Variants in FIP1L1 observed in about 807,000 individuals in gnomAD.
FIP1L1 encodes factor interacting with PAPOLA and CPSF1.
Under a neutral mutation model 84.6 loss-of-function variants are expected in FIP1L1, and 21 were observed. That is an observed-to-expected ratio of 0.25 (90% confidence interval 0.18 to 0.36). The LOEUF is 0.36. Ranked by LOEUF, FIP1L1 falls within the 10% of genes least tolerant of loss-of-function variation. FIP1L1 has a pLI of 1.00. For missense variants in FIP1L1, 526 were observed against 751.1 expected, an observed-to-expected ratio of 0.70 and a Z score of 3.50; for synonymous variants, 263 against 242.3, an observed-to-expected ratio of 1.09 and a Z score of -0.80.
chr4:53,420,040 C>T (rs190865704), intron 11 of FIP1L1, among the ~76,000 whole-genome samples: 8 of 151,768 alleles, frequency 5.3e-5, no homozygotes, highest in Admixed American at 3.3e-4. Flanking sequence ...ACTAAAAATA[C>T]AATAAAAATT....
chr4:53,412,471 G>A (rs1418153388), intron 10 of FIP1L1, among the ~76,000 whole-genome samples: 1 of 151,934 alleles, frequency 6.6e-6, no homozygotes, highest in African/African-American at 2.4e-5. Flanking sequence ...TCTTAAATCT[G>A]GATCAGCTTC....
Position 53,414,609 on chromosome 4 carries a change from C to T in FIP1L1, c.816-6C>T, listed in dbSNP as rs757434123. 6 of 1,599,836 alleles carry T rather than the reference C, an allele frequency of 3.8e-6. No homozygotes were observed. The highest frequency in any genetic ancestry group is 5.1e-6 in the Non-Finnish European group (6 of 1,169,094). On this transcript the variant is annotated splice_region_variant and splice_polypyrimidine_tract_variant and intron_variant, in intron 10 of 17. Coordinates refer to ENST00000337488, the MANE Select transcript of FIP1L1 (RefSeq NM_030917.4). ...AAGAAAAAACATAGAAAATTTATCTCACCAGAAACAGCACTTCTTCTCAGT... is the reference window on the plus strand; with the variant it reads ...AAGAAAAAACATAGAAAATTTATCTTACCAGAAACAGCACTTCTTCTCAGT...
At chr4:53,418,643 T>G (rs1477310467) in intron 11 of FIP1L1, among the ~76,000 whole-genome samples, 3 of 152,228 alleles carry the variant, frequency 2.0e-5, no homozygotes, top group African/African-American at 4.8e-5. Context: ...TTCCATTTTA[T>G]GTTACCAAGT....
chr4:53,383,308 T>C (rs559864550), intron 4 of FIP1L1, among the ~76,000 whole-genome samples: 2 of 152,234 alleles, frequency 1.3e-5, no homozygotes, highest in East Asian at 3.9e-4. Flanking sequence ...ACATCAAAAT[T>C]ATGAGTTGAA....
At chr4:53,419,260 GA>G (rs1362869677) in intron 11 of FIP1L1, among the ~76,000 whole-genome samples, 1 of 151,982 alleles carries the variant, frequency 6.6e-6, no homozygotes, top group Non-Finnish European at 1.5e-5. Context: ...GTTTTAAATA[GA>G]GCTTAAAAAT....
intron 10 of FIP1L1, among the ~76,000 whole-genome samples, chr4:53,401,261 G>T (rs1476229733): frequency 6.6e-6 from 1 of 151,992 alleles, no homozygotes; most frequent in Admixed American, 6.6e-5. Context: ...TTTTTTTATT[G>T]TTGATTGGCC....
intron 1 of FIP1L1, 124 bp downstream of exon 1, chr4:53,378,047 C>G: frequency 1.1e-6 from 1 of 900,946 alleles, no homozygotes; most frequent in Non-Finnish European, 1.6e-6. Context: ...TCCTGTCCGG[C>G]CTGACTTAGG....
At chr4:53,417,539 G>A (rs1760041956) in intron 11 of FIP1L1, among the ~76,000 whole-genome samples, 1 of 150,902 alleles carries the variant, frequency 6.6e-6, no homozygotes, top group Non-Finnish European at 1.5e-5. Context: ...CTACTCGGGA[G>A]GCTGAGGCAG....
rs1578472565 is a variant in FIP1L1 at position 53,408,557 on chromosome 4, G to A, written c.816-6058G>A. On this transcript the variant is annotated intron_variant, in intron 10 of 17. Transcript: ENST00000337488. The stretch of plus-strand genomic sequence containing the variant: ...ATGTTGGCCTGCCTTGCTAGATTGG[G>A]GAAGTTCTCCTGGATAATATCCTGC... 2.0e-5 allele frequency among the ~76,000 whole-genome samples: 3 copies of A among 152,212 alleles called. No homozygotes were observed. The South Asian group carries it at 6.2e-4, about 32-fold the overall frequency.
Position 53,377,798 on chromosome 4 carries a change from G to C in FIP1L1, c.-41G>C. The C allele has an allele frequency of 6.6e-7, 1 of 1,514,256 alleles. No individual in the cohort carries two copies. The highest frequency in any genetic ancestry group is 1.3e-5 in the South Asian group (1 of 78,712). The allele number at this position is 1,514,256 out of a possible 1,614,324, so 93.8% of individuals were successfully genotyped here. A position where few individuals can be genotyped will look rare whatever the true frequency, so the allele number is the denominator to read the frequency against. On this transcript the variant is annotated 5_prime_UTR_variant, in exon 1 of 18. Coordinates refer to ENST00000337488, the MANE Select transcript of FIP1L1 (RefSeq NM_030917.4). Reference sequence around the variant, plus strand: ...GCGAGGCTGGGGAAGGGGTTGGAGGGGGCTGTTGATCGCCGCGTTTAAGTT... The same window carrying C: ...GCGAGGCTGGGGAAGGGGTTGGAGGCGGCTGTTGATCGCCGCGTTTAAGTT...
At chr4:53,418,953 A>G (rs1025679635) in intron 11 of FIP1L1, among the ~76,000 whole-genome samples, 26 of 152,300 alleles carry the variant, frequency 1.7e-4, no homozygotes, top group African/African-American at 5.8e-4. Flanking sequence ...CATTTGATCA[A>G]GTGCTCTGAA....
chr4:53,458,609 T>A (rs1303817071), intron 16 of FIP1L1, 44 bp from the exon 17 acceptor site: 1 of 1,591,728 alleles, frequency 6.3e-7, no homozygotes, highest in East Asian at 2.2e-5. Context: ...CCATTCAGAA[T>A]TAATGGTCCA....
intron 13 of FIP1L1, 149 bp from the exon 14 acceptor site, chr4:53,442,504 T>G: frequency 1.7e-6 from 1 of 594,552 alleles, no homozygotes; most frequent in Non-Finnish European, 3.0e-6. Context: ...TTCATAAGTT[T>G]GAGCTCCATT....
intron 3 of FIP1L1, among the ~76,000 whole-genome samples, chr4:53,379,879 C>T (rs560975922): frequency 6.6e-6 from 1 of 152,250 alleles, no homozygotes; most frequent in South Asian, 2.1e-4. Context: ...TTACCCTGAC[C>T]ACATGCATTA....
At chr4:53,411,449 T>G (rs1487661462) in intron 10 of FIP1L1, among the ~76,000 whole-genome samples, 1 of 152,138 alleles carries the variant, frequency 6.6e-6, no homozygotes, top group East Asian at 1.9e-4. Context: ...AAGGATACTT[T>G]GCAGTCATTG....
At chr4:53,396,872 G>T (rs1391164660) in intron 9 of FIP1L1, among the ~76,000 whole-genome samples, 1 of 152,174 alleles carries the variant, frequency 6.6e-6, no homozygotes, top group Middle Eastern at 3.4e-3. Context: ...TTTTCTCCCT[G>T]TTGTGCAAAG....
At chr4:53,379,422 C>T (rs1210469739) in intron 3 of FIP1L1, among the ~76,000 whole-genome samples, 158 bp downstream of exon 3, 1 of 152,172 alleles carries the variant, frequency 6.6e-6, no homozygotes, top group East Asian at 1.9e-4. Context: ...ATTCCAGTTT[C>T]AGGACCTAAT....
At chr4:53,432,821 ACC>A (rs1234330713) in intron 13 of FIP1L1, among the ~76,000 whole-genome samples, 1 of 152,184 alleles carries the variant, frequency 6.6e-6, no homozygotes, top group Non-Finnish European at 1.5e-5. Context: ...ATGAATCAGT[ACC>A]TATATCCAGA....
At chr4:53,391,306 A>T in intron 8 of FIP1L1, 124 bp from the exon 9 acceptor site, 1 of 1,162,306 alleles carries the variant, frequency 8.6e-7, no homozygotes, top group Non-Finnish European at 1.2e-6. Context: ...AGAGTTTCGT[A>T]TTTAATGATT....
Sources: allele counts gnomAD v4.1 joint callset (sites outside exome capture counted in the v4.1 genomes callset), GRCh38; gene constraint gnomAD v4.1.1; transcripts MANE v1.5; gene names NCBI Gene and HGNC (gene_info 2026-07-23, HGNC 2026-07-21).